ZEB1: variants seen among roughly 807,000 people sequenced by gnomAD.
ZEB1 encodes the protein zinc finger E-box-binding homeobox 1.
In ZEB1, 21 loss-of-function variants were observed where a neutral mutation model predicts 84.9. The ratio of observed to expected loss-of-function variants is 0.25; its 90% CI spans 0.18 to 0.36. ZEB1 has a LOEUF of 0.36. ZEB1 is among the 10% of genes least tolerant of loss of function. The pLI, the probability that ZEB1 is intolerant of heterozygous loss-of-function variation, is 1.00. For synonymous variants in ZEB1, 420 were observed against 471.1 expected (o/e 0.89, Z 1.41); for missense variants, 1,104 against 1,330.2 (o/e 0.83, Z 2.65).
At chr10:31,346,015 A>G (rs1390741360) in intron 1 of ZEB1, among the ~76,000 whole-genome samples, 1 of 152,182 alleles carries the variant, frequency 6.6e-6, no homozygotes, top group East Asian at 1.9e-4. Context: ...TCAAAAAGTT[A>G]TGTAATTTGG....
At chr10:31,448,942 C>CA (rs1458421767) in intron 1 of ZEB1, among the ~76,000 whole-genome samples, 2 of 152,236 alleles carry the variant, frequency 1.3e-5, no homozygotes, top group African/African-American at 2.4e-5. Context: ...GGGCTCCACC[C>CA]AGTTGGAGCT....
In ZEB1 at chr10:31,520,408, T is replaced by C. The variant is rs764352027; in HGVS notation, c.1076T>C (p.Ile359Thr). The change falls in exon 7 of 9, where the codon ATA becomes ACA. Residue 359 changes from isoleucine to threonine, a missense_variant. By Grantham distance (89) the Ile-to-Thr change is moderately conservative. Around this residue, in one of 7 missense-constraint regions of ZEB1, gnomAD observed 111 missense variants for 161.8 expected, o/e 0.69. Coordinates refer to ENST00000424869, the MANE Select transcript of ZEB1 (RefSeq NM_001174096.2). This position sits in a 1 kb window ranked among gnomAD's most constrained non-coding sequence, Gnocchi z 5.1. The stretch of plus-strand genomic sequence containing the variant: ...CCTGTGGATTATGAATTCAAACCCA[T>C]AGTGGTTGCTTCAGGAATCAACTGT... ...TEPVDYEFKPIVVASGINCST... is the reference protein window; with the variant it reads ...TEPVDYEFKPTVVASGINCST... 1.9e-6 allele frequency: 3 copies of C among 1,613,936 alleles called. No homozygotes were observed. The Admixed American group carries it at 5.0e-5, about 27-fold the overall frequency.
At chr10:31,424,610 G>A (rs2056689226) in intron 1 of ZEB1, among the ~76,000 whole-genome samples, 1 of 151,944 alleles carries the variant, frequency 6.6e-6, no homozygotes, top group South Asian at 2.1e-4. Flanking sequence ...AAAAGTGTAT[G>A]AGGCTATTTA....
chr10:31,484,393 T>G (rs161276), intron 2 of ZEB1, among the ~76,000 whole-genome samples: 7,293 of 152,068 alleles, frequency 0.048, 188 homozygotes, highest in South Asian at 0.065. Context: ...TCAAGTAATG[T>G]TCTAAATTGT....
chr10:31,451,193 G>T (rs1254604027), intron 1 of ZEB1, among the ~76,000 whole-genome samples: 1 of 151,980 alleles, frequency 6.6e-6, no homozygotes, highest in Non-Finnish European at 1.5e-5. Context: ...TCCTAGAAAG[G>T]GTTTTCATCT....
At chr10:31,491,083 A>G (rs992609975) in intron 2 of ZEB1, among the ~76,000 whole-genome samples, 1 of 151,838 alleles carries the variant, frequency 6.6e-6, no homozygotes, top group East Asian at 1.9e-4. Context: ...TAAACCCAAG[A>G]GTTCATAAAC....
chr10:31,420,672 C>G (rs2056006129), intron 1 of ZEB1, among the ~76,000 whole-genome samples: 1 of 152,130 alleles, frequency 6.6e-6, no homozygotes, highest in Admixed American at 6.5e-5. Flanking sequence ...ATAATCACAA[C>G]AGTAATATTC....
At chr10:31,363,875 G>A (rs9663725) in intron 1 of ZEB1, 114 of 1,307,594 alleles carry the variant, frequency 8.7e-5, no homozygotes, top group East Asian at 1.6e-4. Flanking sequence ...TGTCGCTGAC[G>A]GTTGAAGAGG....
At chr10:31,319,642 C>G (rs1589881914) in intron 1 of ZEB1, 1 of 291,476 alleles carries the variant, frequency 3.4e-6, no homozygotes. Context: ...TTTCTGGTCC[C>G]GGGTGGAGCG....
At chr10:31,442,740 TGATA>T (rs1003176027) in intron 1 of ZEB1, among the ~76,000 whole-genome samples, 3 of 152,038 alleles carry the variant, frequency 2.0e-5, no homozygotes, top group African/African-American at 7.2e-5. Context: ...AAGAGGAAAC[TGATA>T]GAGTCAAGAG....
chr10:31,398,552 T>A lies in ZEB1; in HGVS notation c.59-62485T>A, dbSNP rs370049568. Among the ~76,000 whole-genome samples the A allele has an allele frequency of 2.5e-4, 38 of 152,208 alleles. 1 individual carries two copies. The highest frequency in any genetic ancestry group is 8.2e-4 in the African/African-American group (34 of 41,538). ...ATCTTAAAAAAAATCTTACTCCCAG[T>A]TCTCCTTTAGTTACTACCCCATGTC... On this transcript the variant is annotated intron_variant, in intron 1 of 8. Coordinates refer to ENST00000424869, the MANE Select transcript of ZEB1 (RefSeq NM_001174096.2).
chr10:31,494,776 A>AATATAAAAC (rs2066994266), intron 2 of ZEB1, among the ~76,000 whole-genome samples: 1 of 152,072 alleles, frequency 6.6e-6, no homozygotes, highest in Admixed American at 6.6e-5. Flanking sequence ...TGTACCTGAA[A>AATATAAAAC]ATATAAAACA....
chr10:31,525,832 G>T (rs191850564), intron 8 of ZEB1, among the ~76,000 whole-genome samples: 1 of 152,206 alleles, frequency 6.6e-6, no homozygotes. Context: ...GGTTTTCAGA[G>T]ATCTAAGAAG....
Position 31,447,169 on chromosome 10 carries a change from T to C in ZEB1, c.59-13868T>C, listed in dbSNP as rs2059900696. ...AATTGATCCCTTTACCATTATGTAA[T>C]GGCCTTCTTTGTCTCTTTTGATCTT... is the stretch of plus-strand genomic sequence containing the variant. On this transcript the variant is annotated intron_variant, in intron 1 of 8. Transcript: ENST00000424869. 6.6e-5 allele frequency among the ~76,000 whole-genome samples: 10 copies of C among 152,246 alleles called. 1 individual carries two copies. The South Asian group carries it at 2.1e-3, about 32-fold the overall frequency.
At chr10:31,510,906 T>C in intron 5 of ZEB1, 31 bp downstream of exon 5, 1 of 1,607,382 alleles carries the variant, frequency 6.2e-7, no homozygotes, top group Non-Finnish European at 8.5e-7. Flanking sequence ...TTCACTAACT[T>C]TCCAGATTTT....
At chr10:31,477,384 A>G (rs942317984) in intron 2 of ZEB1, among the ~76,000 whole-genome samples, 19 of 152,068 alleles carry the variant, frequency 1.2e-4, no homozygotes, top group African/African-American at 4.3e-4. Context: ...ATGGAAAAAT[A>G]TCTCGTGCTC....
intron 1 of ZEB1, among the ~76,000 whole-genome samples, chr10:31,392,182 G>A (rs970104639): frequency 1.3e-5 from 2 of 151,994 alleles, no homozygotes; most frequent in African/African-American, 4.8e-5. Context: ...CATTAAAATG[G>A]CCTTCCAATA....
chr10:31,473,165 C>G (rs1204358548), intron 2 of ZEB1, among the ~76,000 whole-genome samples: 3 of 151,078 alleles, frequency 2.0e-5, no homozygotes, highest in Admixed American at 6.6e-5. Context: ...GGGATGCCCT[C>G]TCTCACCACT....
intron 7 of ZEB1, among the ~76,000 whole-genome samples, chr10:31,523,554 A>G (rs781691110): frequency 1.1e-4 from 17 of 152,378 alleles, no homozygotes; most frequent in Non-Finnish European, 2.2e-4. Context: ...ATTAATTAGC[A>G]AACTAATAAG....
Sources: allele counts gnomAD v4.1 joint callset (sites outside exome capture counted in the v4.1 genomes callset), GRCh38; gene constraint gnomAD v4.1.1; regional missense constraint gnomAD v4.1.1; non-coding constraint Gnocchi (gnomAD v3.1); transcripts MANE v1.5; gene names NCBI Gene and HGNC (gene_info 2026-07-23, HGNC 2026-07-21).